The following COX7B2 variants were observed in gnomAD, a reference collection of about 807,000 sequenced individuals.
COX7B2 encodes cytochrome c oxidase subunit 7B2, mitochondrial.
For missense variants in COX7B2, 109 were observed against 95.9 expected, an observed-to-expected ratio of 1.14 and a Z score of -0.57; for synonymous variants, 37 against 32.1, an observed-to-expected ratio of 1.15 and a Z score of -0.51.
At chr4:46,866,665 T>C (rs1170949180) in intron 1 of COX7B2, among the ~76,000 whole-genome samples, 1 of 152,070 alleles carries the variant, frequency 6.6e-6, no homozygotes, top group African/African-American at 2.4e-5. Context: ...CCTAAGGAAT[T>C]AGACTCAAAC....
chr4:46,860,349 C>A (rs1282362230), intron 1 of COX7B2, among the ~76,000 whole-genome samples: 3 of 152,142 alleles, frequency 2.0e-5, no homozygotes, highest in Non-Finnish European at 2.9e-5. Flanking sequence ...GTGACAGCAG[C>A]AGATTGAGCT....
At chr4:46,796,506 A>G (rs1168724866) in intron 2 of COX7B2, among the ~76,000 whole-genome samples, 1 of 125,318 alleles carries the variant, frequency 8.0e-6, no homozygotes, top group Non-Finnish European at 1.6e-5. Context: ...ACTGTAAACT[A>G]GTTCAACCAT....
intron 2 of COX7B2, among the ~76,000 whole-genome samples, chr4:46,803,689 A>C (rs1718791063): frequency 6.6e-6 from 1 of 151,074 alleles, no homozygotes; most frequent in African/African-American, 2.4e-5. Context: ...TTCATATCAC[A>C]ATTGTTGTTG....
chr4:46,855,187 C>T (rs1383376316), intron 1 of COX7B2, among the ~76,000 whole-genome samples: 2 of 152,044 alleles, frequency 1.3e-5, no homozygotes, highest in Non-Finnish European at 2.9e-5. Context: ...ATTAGCCAGG[C>T]ATGGTGGCAC....
At chr4:46,900,316 C>T (rs1463615676) in intron 1 of COX7B2, among the ~76,000 whole-genome samples, 1 of 152,162 alleles carries the variant, frequency 6.6e-6, no homozygotes, top group East Asian at 1.9e-4. Context: ...AGTTAGGAAT[C>T]ATGCCCATTA....
chr4:46,756,436 A>G (rs1043491688), intron 2 of COX7B2, among the ~76,000 whole-genome samples: 4 of 152,050 alleles, frequency 2.6e-5, no homozygotes, highest in Non-Finnish European at 4.4e-5. Flanking sequence ...AACCAAAACA[A>G]AAATAGACAA....
chr4:46,822,803 T>C (rs930120202), intron 2 of COX7B2, among the ~76,000 whole-genome samples: 2 of 152,126 alleles, frequency 1.3e-5, no homozygotes, highest in East Asian at 1.9e-4. Context: ...TATTAGATAA[T>C]TGAATATTCC....
chr4:46,856,138 G>A (rs942861440), intron 1 of COX7B2, among the ~76,000 whole-genome samples: 2 of 152,056 alleles, frequency 1.3e-5, no homozygotes, highest in Non-Finnish European at 1.5e-5. Context: ...CAGCTACTTG[G>A]GTGGCTGAGG....
intron 2 of COX7B2, among the ~76,000 whole-genome samples, chr4:46,782,226 G>C (rs1034833165): frequency 1.3e-5 from 2 of 152,130 alleles, no homozygotes; most frequent in African/African-American, 4.8e-5. Flanking sequence ...GCACCAATCA[G>C]CACTCTGTAT....
chr4:46,852,279 C>A (rs1716737674), intron 1 of COX7B2, among the ~76,000 whole-genome samples: 1 of 152,062 alleles, frequency 6.6e-6, no homozygotes, highest in South Asian at 2.1e-4. Context: ...ATTAGGAGCT[C>A]CTTCAGATTG....
chr4:46,876,626 T>G (rs1388865548), intron 1 of COX7B2: 1 of 152,164 alleles, frequency 6.6e-6, no homozygotes, highest in Admixed American at 6.6e-5. Flanking sequence ...CAGGATAGTC[T>G]CGATCTCCTG....
intron 2 of COX7B2, among the ~76,000 whole-genome samples, chr4:46,795,200 T>C (rs1287974224): frequency 7.9e-6 from 1 of 126,392 alleles, no homozygotes; most frequent in African/African-American, 3.4e-5. Context: ...GCTCTTTAGT[T>C]TAATTAGATC....
intron 2 of COX7B2, among the ~76,000 whole-genome samples, chr4:46,766,216 G>C (rs1036308402): frequency 7.9e-5 from 12 of 152,232 alleles, no homozygotes; most frequent in South Asian, 4.1e-4. Context: ...CACCCCATAA[G>C]GTGTAGGAAT....
chr4:46,819,985 A>C (rs1022069143), intron 2 of COX7B2, among the ~76,000 whole-genome samples: 1 of 152,232 alleles, frequency 6.6e-6, no homozygotes, highest in Non-Finnish European at 1.5e-5. Flanking sequence ...TTCAAAGCTG[A>C]CATATGACCC....
intron 2 of COX7B2, among the ~76,000 whole-genome samples, chr4:46,813,025 T>C (rs1719366593): frequency 1.3e-5 from 2 of 152,108 alleles, no homozygotes; most frequent in African/African-American, 4.8e-5. Flanking sequence ...AGATCATGAC[T>C]GTCCCCACAG....
intron 2 of COX7B2, among the ~76,000 whole-genome samples, chr4:46,750,338 G>A (rs1331192826): frequency 1.3e-5 from 2 of 152,050 alleles, no homozygotes; most frequent in African/African-American, 2.4e-5. Context: ...AGGCTACAGC[G>A]AGCTATGATC....
intron 2 of COX7B2, among the ~76,000 whole-genome samples, chr4:46,781,352 G>A (rs1333775968): frequency 3.3e-5 from 5 of 152,284 alleles, no homozygotes; most frequent in Non-Finnish European, 7.4e-5. Context: ...TTCCAGTCAT[G>A]GTTAACACAA....
intron 1 of COX7B2, among the ~76,000 whole-genome samples, chr4:46,850,622 T>A (rs1259426163): frequency 3.3e-5 from 5 of 152,100 alleles, no homozygotes; most frequent in African/African-American, 1.2e-4. Flanking sequence ...GTGAACACAT[T>A]GTTAGCCTGT....
At chr4:46,804,058 G>T (rs1179938369) in intron 2 of COX7B2, among the ~76,000 whole-genome samples, 1 of 151,968 alleles carries the variant, frequency 6.6e-6, no homozygotes, top group African/African-American at 2.4e-5. Context: ...TCTTTTTTCT[G>T]GTGGGTTCGT....
Sources: allele counts gnomAD v4.1 joint callset (sites outside exome capture counted in the v4.1 genomes callset), GRCh38; gene constraint gnomAD v4.1.1; transcripts MANE v1.5; gene names NCBI Gene and HGNC (gene_info 2026-07-23, HGNC 2026-07-21).